PIEZO1: variants seen among roughly 807,000 people sequenced by gnomAD.
PIEZO1 encodes the protein piezo type mechanosensitive ion channel component 1 (Er blood group).
Under a neutral mutation model 297.2 loss-of-function variants are expected in PIEZO1, and 296 were observed. The ratio of observed to expected loss-of-function variants is 1.00; its 90% CI spans 0.91 to 1.10. PIEZO1 has a LOEUF of 1.10. Ranked by LOEUF, PIEZO1 falls within the 50% of genes least tolerant of loss-of-function variation. The pLI, the probability that PIEZO1 is intolerant of heterozygous loss-of-function variation, is 0.00. For synonymous variants in PIEZO1, 2,427 were observed against 1,507.5 expected, an observed-to-expected ratio of 1.61 and a Z score of -14.13; for missense variants, 5,018 against 3,455.5, an observed-to-expected ratio of 1.45 and a Z score of -11.34.
chr16:88,725,615 G>A lies in PIEZO1; in HGVS notation c.4038C>T (p.Ser1346=), dbSNP rs1904366318. The A allele has an allele frequency of 4.5e-6, 7 of 1,549,184 alleles. No individual in the cohort carries two copies. Among genetic ancestry groups the A allele is most frequent in the Non-Finnish European group, 6.1e-6 (7 of 1,145,696 alleles). ...CCTACTGTCTTTTCAGCTGGGCCAG[G>A]GACTTCTCCTCTATCCTGCGGTGAA... The part of the protein sequence containing the change: ...IDFHRRIEEK[S]LAQLKRQMER... The change falls in exon 28 of 51, where the codon TCC becomes TCT. Residue 1346 remains serine, a synonymous_variant. Coordinates refer to ENST00000301015, the MANE Select transcript of PIEZO1 (RefSeq NM_001142864.4).
In PIEZO1 at chr16:88,715,899, G is replaced by A. The variant is rs74033362; in HGVS notation, c.7316+34C>T. 4.5e-4 allele frequency: 696 copies of A among 1,536,296 alleles called. 4 individuals carry two copies. The African/African-American group carries it at 8.6e-3, about 19-fold the overall frequency. ...GTCCTGGGGCCGCCCGGAGCCCCCC[G>A]AGCTGCGGGGTGCCCCCCCAGCCAC... is the stretch of plus-strand genomic sequence containing the variant. On this transcript the variant is annotated intron_variant, in intron 50 of 50. Coordinates refer to ENST00000301015, the MANE Select transcript of PIEZO1 (RefSeq NM_001142864.4).
intron 3 of PIEZO1, 58 bp downstream of exon 3, chr16:88,742,242 G>A (rs1905727791): frequency 2.0e-6 from 3 of 1,512,440 alleles, no homozygotes; most frequent in Non-Finnish European, 1.8e-6. Flanking sequence ...GGTCACTGCA[G>A]GGCCCTCTCC....
rs1040196761 is a variant in PIEZO1, at chr16:88,722,687, G to A, written c.4671C>T (p.Gly1557=). Residue 1557 remains glycine (G), a splice_region_variant and synonymous_variant, in exon 35 of 51, where the codon GGC becomes GGT. Coordinates refer to ENST00000301015, the MANE Select transcript of PIEZO1 (RefSeq NM_001142864.4). ...RYLLTQELLQ[G]GEVHRGVLDQ... ...CCAGCACGCCCCTGTGCACTTCGCCGCCCTGCAGGGCACAGCAGGGGGCTC... is the reference window on the plus strand; with the variant it reads ...CCAGCACGCCCCTGTGCACTTCGCCACCCTGCAGGGCACAGCAGGGGGCTC... 2.4e-5 allele frequency: 37 copies of A among 1,536,432 alleles called. No individual in the cohort carries two copies. The highest frequency in any genetic ancestry group is 1.2e-4 in the Admixed American group (6 of 50,888).
At chr16:88,770,912 T>C (rs1384112398) in intron 1 of PIEZO1, among the ~76,000 whole-genome samples, 1 of 152,158 alleles carries the variant, frequency 6.6e-6, no homozygotes, top group Non-Finnish European at 1.5e-5. Flanking sequence ...ACTATAGGAA[T>C]CCGGTGGGCG....
rs1008064947 is a variant in PIEZO1, at chr16:88,722,357, C to T, written c.4816G>A (p.Asp1606Asn). 14 of 1,529,896 alleles carry T rather than the reference C, an allele frequency of 9.2e-6. No individual in the cohort carries two copies. Among genetic ancestry groups the T allele is most frequent in the African/African-American group, 5.5e-5 (4 of 72,648 alleles). 94.8% of individuals were successfully genotyped at this position (1,529,896 alleles called of 1,614,324 possible). ...CCGGTGCTCAGGGGGCTGCCCATGT[C>T]GTCTGTCATGCTGCTGAGTGGCTCC... ...AEEPLSSMTD[D>N]MGSPLSTGYH... Residue 1606 changes from aspartate to asparagine, a missense_variant, in exon 36 of 51, where the codon GAC becomes AAC. By Grantham distance (23) the Asp-to-Asn change is conservative (BLOSUM62 1). Coordinates refer to ENST00000301015, the MANE Select transcript of PIEZO1 (RefSeq NM_001142864.4).
At chr16:88,743,449 C>T (rs1326364185) in intron 2 of PIEZO1, 1 of 440,918 alleles carries the variant, frequency 2.3e-6, no homozygotes, top group Non-Finnish European at 4.6e-6. Flanking sequence ...AAGTGCAGAA[C>T]AGCTCAGGCC....
chr16:88,725,933 A>G, intron 27 of PIEZO1: 1 of 569,680 alleles, frequency 1.8e-6, no homozygotes, highest in Middle Eastern at 4.7e-4. Flanking sequence ...GCAGGGAAGA[A>G]GGCAAAGCTG....
In PIEZO1 at chr16:88,721,901, C is replaced by T. The variant is rs34346312; in HGVS notation, c.5121G>A (p.Ser1707=). 2.0e-5 allele frequency: 31 copies of T among 1,549,972 alleles called. No individual in the cohort carries two copies. The highest frequency in any genetic ancestry group is 1.5e-4 in the East Asian group (6 of 40,916). ...GGAAGACGAGCACGGGCAGCACCAGCGAGCCGGCGGAGGCCGTGACCATGT... is the reference window on the plus strand; with the variant it reads ...GGAAGACGAGCACGGGCAGCACCAGTGAGCCGGCGGAGGCCGTGACCATGT... ...LNHMVTASAG[S]LVLPVLVFLW... The change falls in exon 37 of 51, where the codon TCG becomes TCA. Residue 1707 remains serine, a synonymous_variant. Transcript: ENST00000301015.
rs747368589 is a variant in PIEZO1, at chr16:88,736,633, G to A, written c.1296+6C>T. On this transcript the variant is annotated splice_donor_region_variant and intron_variant, in intron 11 of 50. Coordinates refer to ENST00000301015, the MANE Select transcript of PIEZO1 (RefSeq NM_001142864.4). ...GCCGCCCACCCCAACCCCCACAGCC[G>A]CCTACCATCATGGCAATGAGCGCGC... is the stretch of plus-strand genomic sequence containing the variant. 7.4e-5 allele frequency: 112 copies of A among 1,516,562 alleles called. No homozygotes were observed. Among genetic ancestry groups the A allele is most frequent in the South Asian group, 8.4e-5 (7 of 83,204 alleles). The allele number at this position is 1,516,562 out of a possible 1,614,324, so 93.9% of individuals were successfully genotyped here. A position where few individuals can be genotyped will look rare whatever the true frequency, so the allele number is the denominator to read the frequency against.
At chr16:88,746,081 G>T (rs1160871910) in intron 2 of PIEZO1, among the ~76,000 whole-genome samples, 2 of 151,484 alleles carry the variant, frequency 1.3e-5, no homozygotes, top group African/African-American at 4.8e-5. Flanking sequence ...TGATCCATGG[G>T]GTGTGCATGG....
chr16:88,782,250 C>G (rs556460952), intron 1 of PIEZO1, among the ~76,000 whole-genome samples: 1 of 152,196 alleles, frequency 6.6e-6, no homozygotes. Flanking sequence ...GCTGGGACTA[C>G]AGGTGCACTA....
At chr16:88,737,187 G>A in intron 10 of PIEZO1, 1 of 274,234 alleles carries the variant, frequency 3.6e-6, no homozygotes, top group South Asian at 4.7e-5. Flanking sequence ...CCCTGCCCTG[G>A]ACGAGCGGCC....
Position 88,738,258 on chromosome 16 carries a change from C to A in PIEZO1, c.817G>T (p.Ala273Ser). The A allele has an allele frequency of 1.3e-6, 2 of 1,535,880 alleles. No individual in the cohort carries two copies. Among genetic ancestry groups the A allele is most frequent in the Non-Finnish European group, 1.7e-6 (2 of 1,146,852 alleles). Residue 273 changes from alanine (A) to serine (S), a missense_variant, in exon 7 of 51, where the codon GCT becomes TCT. Physicochemically the swap from Ala to Ser is moderately conservative, Grantham distance 99 (BLOSUM62 1). Transcript: ENST00000301015. ...LYCYQMPLAQALLPPAGIWAR... is the reference protein window; with the variant it reads ...LYCYQMPLAQSLLPPAGIWAR... ...CAGATGCCGGCAGGCGGGAGCAGAG[C>A]CTGTGCCAAGGGCATCTGGTAGCAG... is the stretch of plus-strand genomic sequence containing the variant.
intron 1 of PIEZO1, among the ~76,000 whole-genome samples, chr16:88,776,104 A>G (rs1365871801): frequency 1.3e-5 from 2 of 152,144 alleles, no homozygotes; most frequent in African/African-American, 2.4e-5. Flanking sequence ...AACACGTGCC[A>G]CCCAGGACCC....
chr16:88,735,957 CTGTT>C (rs1261887979), intron 12 of PIEZO1, among the ~76,000 whole-genome samples, 187 bp downstream of exon 12: 3 of 152,248 alleles, frequency 2.0e-5, no homozygotes, highest in African/African-American at 7.2e-5. Context: ...ACAAGGTTGT[CTGTT>C]TATTCAGTCA....
intron 1 of PIEZO1, among the ~76,000 whole-genome samples, chr16:88,776,103 C>G (rs1907649813): frequency 6.6e-6 from 1 of 151,608 alleles, no homozygotes; most frequent in Non-Finnish European, 1.5e-5. Context: ...AAACACGTGC[C>G]ACCCAGGACC....
In PIEZO1 at chr16:88,784,917, G is replaced by T; in HGVS notation, c.48C>A (p.Pro16=). 7.0e-7 allele frequency: 1 copy of T among 1,436,926 alleles called. No homozygotes were observed. The highest frequency in any genetic ancestry group is 9.1e-7 in the Non-Finnish European group (1 of 1,093,284). 89.0% of individuals were successfully genotyped at this position (1,436,926 alleles called of 1,614,324 possible). Residue 16 remains proline (P), a synonymous_variant, in exon 1 of 51, where the codon CCC becomes CCA. Transcript: ENST00000301015. The part of the protein sequence containing the change: ...LGAVLYWLLL[P]CALLAACLLR... Reference sequence around the variant, plus strand: ...CCCACTCACCAGCCAGCAGCGCGCAGGGCAGCAGCAGCCAGTACAGGACCG... The same window carrying T: ...CCCACTCACCAGCCAGCAGCGCGCATGGCAGCAGCAGCCAGTACAGGACCG...
chr16:88,749,066 T>A (rs539360394), intron 2 of PIEZO1, among the ~76,000 whole-genome samples: 1 of 149,054 alleles, frequency 6.7e-6, no homozygotes, highest in Non-Finnish European at 1.5e-5. Flanking sequence ...TGAAACCCCG[T>A]CTCTACTAAA....
intron 1 of PIEZO1, among the ~76,000 whole-genome samples, chr16:88,781,492 C>A (rs1462934150): frequency 2.0e-5 from 3 of 152,256 alleles, no homozygotes; most frequent in Non-Finnish European, 4.4e-5. Flanking sequence ...CCCAGGCTCT[C>A]CTGCTGACTC....
Sources: gnomAD v4.1 joint callset for allele counts (sites outside exome capture counted in the v4.1 genomes callset) on GRCh38, gnomAD v4.1.1 for gene constraint, MANE v1.5 for transcripts, NCBI Gene and HGNC (gene_info 2026-07-23, HGNC 2026-07-21) for gene names.